CUX2: variants seen among roughly 807,000 people sequenced by gnomAD.
CUX2 encodes the protein homeobox protein cut-like 2.
Under a neutral mutation model 144.8 loss-of-function variants are expected in CUX2, and 40 were observed. The observed-to-expected ratio is 0.28, with a 90% CI of 0.21 to 0.36. The LOEUF (loss-of-function observed/expected upper bound fraction) is 0.36. Among genes scored for constraint, CUX2 ranks in the 10% least tolerant of loss-of-function variants. The pLI, the probability that CUX2 is intolerant of heterozygous loss-of-function variation, is 1.00. For missense variants in CUX2, 1,615 were observed against 1,994.0 expected (o/e 0.81, Z 3.62); for synonymous variants, 827 against 875.6 (o/e 0.94, Z 0.98).
chr12:111,187,199 A>C (rs1879596213), intron 1 of CUX2, among the ~76,000 whole-genome samples: 1 of 152,166 alleles, frequency 6.6e-6, no homozygotes, highest in Non-Finnish European at 1.5e-5. Flanking sequence ...CTTCCTGCTC[A>C]CAGTGCAATG....
rs1419224792 is a variant in CUX2, at chr12:111,034,309, G to T, written c.63+69G>T. ...GGGCGCGCCCTGGGCGCATTGGGGAGGTCCCCGGGCGGGCAGGCGGACGCC... is the reference window on the plus strand; with the variant it reads ...GGGCGCGCCCTGGGCGCATTGGGGATGTCCCCGGGCGGGCAGGCGGACGCC... On this transcript the variant is annotated intron_variant, in intron 1 of 21. Transcript: ENST00000261726. The surrounding 1 kb of genome is among the most constrained non-coding windows in gnomAD (Gnocchi z 4.2). The T allele has an allele frequency of 2.4e-5, 24 of 1,019,026 alleles. No homozygotes were observed. Among genetic ancestry groups the T allele is most frequent in the Non-Finnish European group, 2.3e-5 (19 of 813,640 alleles). The allele number at this position is 1,019,026 out of a possible 1,614,324, so 63.1% of individuals were successfully genotyped here.
chr12:111,235,235 C>A (rs1882680714), intron 3 of CUX2, among the ~76,000 whole-genome samples: 1 of 152,166 alleles, frequency 6.6e-6, no homozygotes, highest in African/African-American at 2.4e-5. Flanking sequence ...AGGAAACACA[C>A]ATGGGCAGGA....
At chr12:111,067,069 C>T (rs1400354112) in intron 1 of CUX2, among the ~76,000 whole-genome samples, 1 of 152,204 alleles carries the variant, frequency 6.6e-6, no homozygotes, top group Non-Finnish European at 1.5e-5. Context: ...TTGGGTGCTC[C>T]AGAGGCCATC....
chr12:111,160,550 G>A lies in CUX2; in HGVS notation c.64-53650G>A, dbSNP rs1442708863. On this transcript the variant is annotated intron_variant, in intron 1 of 21. Coordinates refer to ENST00000261726, the MANE Select transcript of CUX2 (RefSeq NM_015267.4). This position sits in a 1 kb window ranked among gnomAD's most constrained non-coding sequence, Gnocchi z 4.1. ...GCGTGACCCGGCACAGAGGGGGCGC[G>A]AGATGCGAGCAGGGAGCAGGGTGGC... Among the ~76,000 whole-genome samples, 5 of 152,178 alleles carry A rather than the reference G, an allele frequency of 3.3e-5. No homozygotes were observed. The highest frequency in any genetic ancestry group is 9.7e-5 in the African/African-American group (4 of 41,446).
At chr12:111,328,723 C>T (rs1887939822) in intron 18 of CUX2, among the ~76,000 whole-genome samples, 1 of 151,596 alleles carries the variant, frequency 6.6e-6, no homozygotes. Flanking sequence ...CCTCAGTCTC[C>T]GAAGTAGCTG....
At chr12:111,281,923 T>G (rs1565889801) in intron 4 of CUX2, among the ~76,000 whole-genome samples, 1 of 151,938 alleles carries the variant, frequency 6.6e-6, no homozygotes. Context: ...GAGGGAGGAT[T>G]AGCCAGGGTG....
At chr12:111,288,131 G>A (rs975102166) in intron 4 of CUX2, among the ~76,000 whole-genome samples, 9 of 152,156 alleles carry the variant, frequency 5.9e-5, no homozygotes, top group African/African-American at 1.9e-4. Context: ...TGACATTTGA[G>A]TTGTACTATG....
In CUX2 at chr12:111,214,237, G is replaced by T. The variant is rs763070804; in HGVS notation, c.101G>T (p.Arg34Leu). ...TCCGTCGCTTCTGAGCTGTCTGCAC[G>T]GCAGGAGGAGAGTGAACATTCTCAT... The part of the protein sequence containing the change: ...LNSVASELSA[R>L]QEESEHSHKH... Residue 34 changes from arginine to leucine, a missense_variant, in exon 2 of 22, where the codon CGG becomes CTG. Physicochemically the swap from Arg to Leu is moderately radical, Grantham distance 102 (BLOSUM62 -2). Transcript: ENST00000261726. The T allele has an allele frequency of 1.2e-6, 2 of 1,605,484 alleles. No individual in the cohort carries two copies. Among genetic ancestry groups the T allele is most frequent in the Admixed American group, 3.4e-5 (2 of 58,850 alleles).
chr12:111,294,459 G>A (rs559424081), intron 6 of CUX2, among the ~76,000 whole-genome samples: 82 of 151,796 alleles, frequency 5.4e-4, no homozygotes, highest in African/African-American at 1.9e-3. Context: ...TGCACCTGTG[G>A]TCCCAGCTAC....
chr12:111,313,448 T>C (rs1470648504), intron 16 of CUX2, among the ~76,000 whole-genome samples: 2 of 149,556 alleles, frequency 1.3e-5, no homozygotes, highest in Non-Finnish European at 3.0e-5. Context: ...GAGACAAGCC[T>C]GCCCAACATG....
chr12:111,203,675 G>A (rs1239392060), intron 1 of CUX2, among the ~76,000 whole-genome samples: 2 of 152,122 alleles, frequency 1.3e-5, no homozygotes, highest in South Asian at 2.1e-4. Flanking sequence ...AGACTCACAT[G>A]GGAGCCATGG....
rs137927528 is a variant in CUX2, at chr12:111,090,556, C to T, written c.63+56316C>T. 8.1e-4 allele frequency among the ~76,000 whole-genome samples: 124 copies of T among 152,232 alleles called. 1 individual carries two copies. The East Asian group carries it at 0.02, about 24-fold the overall frequency. ...TTGAGATTACAGGTGTGAGCCACTGCGCCCGGCCTGCGATCCCTTTACTAC... is the reference window on the plus strand; with the variant it reads ...TTGAGATTACAGGTGTGAGCCACTGTGCCCGGCCTGCGATCCCTTTACTAC... On this transcript the variant is annotated intron_variant, in intron 1 of 21. Coordinates refer to ENST00000261726, the MANE Select transcript of CUX2 (RefSeq NM_015267.4).
chr12:111,259,389 G>A (rs1273230162), intron 3 of CUX2, among the ~76,000 whole-genome samples: 1 of 151,978 alleles, frequency 6.6e-6, no homozygotes, highest in African/African-American at 2.4e-5. Context: ...CCATAGACAC[G>A]TAAAACAGTG....
intron 3 of CUX2, among the ~76,000 whole-genome samples, chr12:111,241,479 T>C (rs942269891): frequency 2.0e-5 from 3 of 152,218 alleles, no homozygotes; most frequent in South Asian, 2.1e-4. Flanking sequence ...TTCTAGCCCA[T>C]TGGAGCCAAG....
chr12:111,113,935 A>G (rs1275228689), intron 1 of CUX2, among the ~76,000 whole-genome samples: 2 of 152,146 alleles, frequency 1.3e-5, no homozygotes, highest in African/African-American at 4.8e-5. Flanking sequence ...CCTTTTTATT[A>G]CTGAAAAGTG....
At chr12:111,048,490 GAGTGGCC>G (rs1870106769) in intron 1 of CUX2, among the ~76,000 whole-genome samples, 1 of 152,210 alleles carries the variant, frequency 6.6e-6, no homozygotes, top group African/African-American at 2.4e-5. Context: ...TTTTCTGTGT[GAGTGGCC>G]AGCTGGTGTG....
At chr12:111,248,774 C>T (rs1303953154) in intron 3 of CUX2, among the ~76,000 whole-genome samples, 1 of 152,176 alleles carries the variant, frequency 6.6e-6, no homozygotes, top group Non-Finnish European at 1.5e-5. Flanking sequence ...TGGCCGCTGT[C>T]GATGGAAACA....
intron 1 of CUX2, among the ~76,000 whole-genome samples, chr12:111,165,344 C>G (rs570203868): frequency 2.0e-5 from 3 of 152,266 alleles, no homozygotes; most frequent in Admixed American, 1.3e-4. Flanking sequence ...CAGAGCCAAA[C>G]CAGAGTGACC....
At position 111,320,676 on chromosome 12, in the gene CUX2, G is replaced by T. The variant is rs1471455495; in HGVS notation, c.2667G>T (p.Glu889Asp). ...TVPPLTPEQYELYMYREVDTL... is the reference protein window; with the variant it reads ...TVPPLTPEQYDLYMYREVDTL... ...CGCCGCTGACCCCCGAGCAGTACGA[G>T]CTGTACATGTACCGTGAGGTAGACA... Residue 889 changes from glutamate to aspartate, a missense_variant, in exon 17 of 22, where the codon GAG (glutamate) becomes GAT (aspartate). Glu to Asp is a conservative substitution (Grantham distance 45, BLOSUM62 2). Coordinates refer to ENST00000261726, the MANE Select transcript of CUX2 (RefSeq NM_015267.4). This position sits in a 1 kb window ranked among gnomAD's most constrained non-coding sequence, Gnocchi z 8.1. The T allele has an allele frequency of 1.9e-6, 3 of 1,597,360 alleles. No individual in the cohort carries two copies. The highest frequency in any genetic ancestry group is 1.1e-5 in the South Asian group (1 of 90,904).
Sources: allele counts gnomAD v4.1 joint callset (sites outside exome capture counted in the v4.1 genomes callset), GRCh38; gene constraint gnomAD v4.1.1; non-coding constraint Gnocchi (gnomAD v3.1); transcripts MANE v1.5; gene names NCBI Gene and HGNC (gene_info 2026-07-23, HGNC 2026-07-21).